Variants in DCC observed in about 807,000 individuals in gnomAD.
DCC encodes the protein DCC netrin 1 receptor.
Under a neutral mutation model 172.5 loss-of-function variants are expected in DCC, and 58 were observed. The observed-to-expected ratio is 0.34, with a 90% CI of 0.27 to 0.42. DCC has a LOEUF of 0.42. Ranked by LOEUF, DCC falls within the 10% of genes least tolerant of loss-of-function variation. The pLI is 1.00. For synonymous variants in DCC, 709 were observed against 644.5 expected, an observed-to-expected ratio of 1.10 and a Z score of -1.52; for missense variants, 1,740 against 1,791.0, an observed-to-expected ratio of 0.97 and a Z score of 0.51.
At chr18:52,856,543 G>A (rs1343372581) in intron 2 of DCC, among the ~76,000 whole-genome samples, 3 of 147,672 alleles carry the variant, frequency 2.0e-5, no homozygotes, top group Non-Finnish European at 4.5e-5. Flanking sequence ...GGAGGATGGC[G>A]TGAACCCGGG....
intron 21 of DCC, among the ~76,000 whole-genome samples, chr18:53,426,784 A>G (rs1220175359): frequency 1.3e-5 from 2 of 152,034 alleles, no homozygotes; most frequent in Non-Finnish European, 2.9e-5. Flanking sequence ...TACTTAATGC[A>G]TTTGTTGAGT....
At chr18:53,244,350 C>T (rs2056340995) in intron 12 of DCC, among the ~76,000 whole-genome samples, 1 of 152,110 alleles carries the variant, frequency 6.6e-6, no homozygotes, top group African/African-American at 2.4e-5. Flanking sequence ...ATGCAATCCT[C>T]AGGATAATTT....
rs2042506953 is a variant in DCC at position 53,062,327 on chromosome 18, C to T, written c.986-978C>T. The stretch of plus-strand genomic sequence containing the variant: ...GAGCAAAATACAGCAGCTACTTAGG[C>T]AAAAAATTAGCACTCATCACTCACT... On this transcript the variant is annotated intron_variant, in intron 5 of 28. Transcript: ENST00000442544. Among the ~76,000 whole-genome samples the T allele has an allele frequency of 3.3e-5, 5 of 151,896 alleles. No individual in the cohort carries two copies. In the South Asian group the frequency reaches 1.0e-3, roughly 32 times the overall value.
intron 7 of DCC, among the ~76,000 whole-genome samples, chr18:53,156,535 A>G (rs2054737662): frequency 6.6e-6 from 1 of 152,068 alleles, no homozygotes. Context: ...TTAATACATA[A>G]GAAGAGTTTT....
chr18:52,670,072 T>C (rs958598093), intron 1 of DCC, among the ~76,000 whole-genome samples: 1 of 152,214 alleles, frequency 6.6e-6, no homozygotes, highest in Non-Finnish European at 1.5e-5. Flanking sequence ...TTGCACTTGA[T>C]GTGTTCTTCA....
At chr18:52,840,388 G>A (rs890153166) in intron 2 of DCC, among the ~76,000 whole-genome samples, 3 of 152,104 alleles carry the variant, frequency 2.0e-5, no homozygotes, top group Non-Finnish European at 4.4e-5. Context: ...TACCAATACT[G>A]TTTGCTTAGA....
intron 12 of DCC, among the ~76,000 whole-genome samples, chr18:53,276,750 A>G (rs2056810509): frequency 6.6e-6 from 1 of 152,150 alleles, no homozygotes; most frequent in Admixed American, 6.6e-5. Flanking sequence ...GCCAAAATTG[A>G]CAGTGGGATT....
chr18:52,571,533 A>T (rs1568234803), intron 1 of DCC, among the ~76,000 whole-genome samples: 1 of 152,346 alleles, frequency 6.6e-6, no homozygotes, highest in South Asian at 2.1e-4. Context: ...ACTTCACACT[A>T]GAATTCCATT....
At chr18:53,264,955 T>C (rs1325174661) in intron 12 of DCC, among the ~76,000 whole-genome samples, 1 of 152,180 alleles carries the variant, frequency 6.6e-6, no homozygotes, top group Admixed American at 6.5e-5. Context: ...TTGGACTTCT[T>C]GTTGAAACAG....
intron 22 of DCC, among the ~76,000 whole-genome samples, chr18:53,449,278 T>C (rs1055631033): frequency 1.3e-5 from 2 of 152,232 alleles, no homozygotes; most frequent in Non-Finnish European, 2.9e-5. Flanking sequence ...ATGACTGACA[T>C]AGAACAGAGT....
At chr18:52,741,132 C>G (rs903886439) in intron 1 of DCC, among the ~76,000 whole-genome samples, 2 of 152,200 alleles carry the variant, frequency 1.3e-5, no homozygotes, top group Non-Finnish European at 2.9e-5. Flanking sequence ...ATAAATTGCT[C>G]TGTTAATCTC....
At chr18:52,838,716 G>A (rs2038755433) in intron 2 of DCC, among the ~76,000 whole-genome samples, 1 of 152,146 alleles carries the variant, frequency 6.6e-6, no homozygotes, top group Non-Finnish European at 1.5e-5. Flanking sequence ...GGTTGCAACA[G>A]CATGTGATAA....
chr18:52,833,982 T>C (rs1020768236), intron 2 of DCC, among the ~76,000 whole-genome samples: 4 of 151,252 alleles, frequency 2.6e-5, no homozygotes, highest in Non-Finnish European at 4.4e-5. Context: ...AGCAGGTCAG[T>C]CTGCCAAGCT....
chr18:52,432,687 G>C (rs558096456), intron 1 of DCC, among the ~76,000 whole-genome samples: 3 of 152,264 alleles, frequency 2.0e-5, no homozygotes, highest in South Asian at 4.1e-4. Flanking sequence ...AGTCAAACTT[G>C]AAAGGAGTTT....
intron 19 of DCC, among the ~76,000 whole-genome samples, chr18:53,403,152 T>A (rs1909435545): frequency 6.6e-6 from 1 of 151,644 alleles, no homozygotes; most frequent in Non-Finnish European, 1.5e-5. Context: ...AGATGTGTAT[T>A]TCAATTAGAA....
rs1042428819 is a variant in DCC at position 53,150,119 on chromosome 18, G to A, written c.1262-7237G>A. On this transcript the variant is annotated intron_variant, in intron 7 of 28. Coordinates refer to ENST00000442544, the MANE Select transcript of DCC (RefSeq NM_005215.4). ...AGGCTGACAAACTGTGACAGAGCAGGCTGTGATATATTTCCCCTTCTCCAT... is the reference window on the plus strand; with the variant it reads ...AGGCTGACAAACTGTGACAGAGCAGACTGTGATATATTTCCCCTTCTCCAT... Among the ~76,000 whole-genome samples, 5 of 152,290 alleles carry A rather than the reference G, an allele frequency of 3.3e-5. No homozygotes were observed. In the East Asian group the frequency reaches 9.7e-4, roughly 29 times the overall value.
chr18:53,348,594 A>G (rs1358899287), intron 15 of DCC, among the ~76,000 whole-genome samples: 5 of 152,134 alleles, frequency 3.3e-5, no homozygotes, highest in Non-Finnish European at 7.4e-5. Flanking sequence ...CTCTGATCCC[A>G]CATTTTCCTT....
At chr18:52,834,071 G>A (rs955382642) in intron 2 of DCC, among the ~76,000 whole-genome samples, 3 of 152,124 alleles carry the variant, frequency 2.0e-5, no homozygotes, top group Non-Finnish European at 4.4e-5. Context: ...CTCATCTGTG[G>A]CTTAGCACTG....
intron 19 of DCC, among the ~76,000 whole-genome samples, chr18:53,407,335 GA>G (rs1909720092): frequency 6.6e-6 from 1 of 151,488 alleles, no homozygotes; most frequent in African/African-American, 2.4e-5. Context: ...CCTCTTATGT[GA>G]ATATGATTTT....
Sources: allele counts gnomAD v4.1 joint callset (sites outside exome capture counted in the v4.1 genomes callset), GRCh38; gene constraint gnomAD v4.1.1; transcripts MANE v1.5; gene names NCBI Gene and HGNC (gene_info 2026-07-23, HGNC 2026-07-21).